SENP2: variants seen among roughly 807,000 people sequenced by gnomAD.
The protein encoded by SENP2 is SUMO specific peptidase 2.
SENP2 carries 16 observed loss-of-function variants against 86.3 expected under a neutral mutation model. The ratio of observed to expected loss-of-function variants is 0.19; its 90% CI spans 0.13 to 0.28. SENP2 has a LOEUF of 0.28. SENP2 is among the 10% of genes least tolerant of loss of function. The pLI is 1.00. For synonymous variants in SENP2, 222 were observed against 238.7 expected, an observed-to-expected ratio of 0.93 and a Z score of 0.64; for missense variants, 552 against 703.0, an observed-to-expected ratio of 0.79 and a Z score of 2.43.
At chr3:185,615,753 C>A (rs1481448406) in intron 11 of SENP2, among the ~76,000 whole-genome samples, 1 of 152,198 alleles carries the variant, frequency 6.6e-6, no homozygotes, top group Non-Finnish European at 1.5e-5. Flanking sequence ...CATAAGGAGT[C>A]AATTGCTAGA....
Position 185,606,054 on chromosome 3 carries a change from C to T in SENP2, c.450-276C>T, listed in dbSNP as rs535777840. ...AGAAGGGGTATATGCAATAGGAGAG[C>T]TAAATCTAGAGTTGGGGTTGGAAAT... On this transcript the variant is annotated intron_variant, in intron 5 of 16. Coordinates refer to ENST00000296257, the MANE Select transcript of SENP2 (RefSeq NM_021627.3). Among the ~76,000 whole-genome samples, 6 of 152,198 alleles carry T rather than the reference C, an allele frequency of 3.9e-5. No individual in the cohort carries two copies. The South Asian group carries it at 1.2e-3, about 32-fold the overall frequency.
chr3:185,607,319 CTTTT>C (rs758884593), intron 6 of SENP2, among the ~76,000 whole-genome samples: 1 of 66,006 alleles, frequency 1.5e-5, no homozygotes, highest in African/African-American at 5.8e-5. Context: ...AGATTAGATT[CTTTT>C]TTTTTTTTTT....
chr3:185,607,777 C>CA (rs1274897971), intron 6 of SENP2, among the ~76,000 whole-genome samples: 6 of 152,338 alleles, frequency 3.9e-5, no homozygotes, highest in Admixed American at 6.5e-5. Flanking sequence ...CCTCCAGCGT[C>CA]AGCCTCCCAG....
In SENP2 at chr3:185,630,947, A is replaced by AAAGT. The variant is rs1194516733; in HGVS notation, c.*1104_*1107dup. 1 of 152,214 alleles carries AAAGT rather than the reference A, an allele frequency of 6.6e-6. No homozygotes were observed. Among genetic ancestry groups the AAAGT allele is most frequent in the Non-Finnish European group, 1.5e-5 (1 of 68,036 alleles). 9.4% of individuals were successfully genotyped at this position (152,214 alleles called of 1,614,324 possible). A position where few individuals can be genotyped will look rare whatever the true frequency, so the allele number is the denominator to read the frequency against. ...TATACAATAATCTATTTTGCATATG[A>AAAGT]AAGTTTGTATTTAACTTTTTTGTTC... On this transcript the variant is annotated 3_prime_UTR_variant, in exon 17 of 17. Coordinates refer to ENST00000296257, the MANE Select transcript of SENP2 (RefSeq NM_021627.3).
intron 9 of SENP2, 101 bp downstream of exon 9, chr3:185,612,759 C>CT: frequency 1.2e-6 from 1 of 829,028 alleles, no homozygotes; most frequent in South Asian, 1.7e-5. Context: ...TGTGAACTCT[C>CT]TTGAGTTCTG....
intron 7 of SENP2, 85 bp downstream of exon 7, chr3:185,609,435 C>T (rs1468514433): frequency 1.0e-6 from 1 of 952,992 alleles, no homozygotes; most frequent in South Asian, 1.4e-5. Flanking sequence ...AAGGGCTTTA[C>T]TGAAAGAAGA....
chr3:185,629,733 C>T, intron 16 of SENP2, 49 bp from the exon 17 acceptor site: 1 of 1,570,166 alleles, frequency 6.4e-7, no homozygotes, highest in Non-Finnish European at 8.8e-7. Context: ...GTTGTGCTGC[C>T]ATGCACATTA....
At chr3:185,592,847 C>T (rs1483493945) in intron 2 of SENP2, among the ~76,000 whole-genome samples, 1 of 152,150 alleles carries the variant, frequency 6.6e-6, no homozygotes. Flanking sequence ...AAGCTCCTGA[C>T]CTCAAGTGAT....
intron 16 of SENP2, among the ~76,000 whole-genome samples, chr3:185,628,503 T>C (rs528246057): frequency 1.3e-5 from 2 of 152,170 alleles, no homozygotes; most frequent in East Asian, 3.9e-4. Flanking sequence ...GCCTCAATAA[T>C]GTGAACTTCT....
At chr3:185,597,940 C>T (rs569181121) in intron 2 of SENP2, among the ~76,000 whole-genome samples, 1 of 152,226 alleles carries the variant, frequency 6.6e-6, no homozygotes, top group Admixed American at 6.5e-5. Context: ...AGGCGTGAGC[C>T]ACCACACCAG....
At chr3:185,591,317 A>T (rs542342955) in intron 2 of SENP2, among the ~76,000 whole-genome samples, 1 of 152,206 alleles carries the variant, frequency 6.6e-6, no homozygotes, top group South Asian at 2.1e-4. Flanking sequence ...TGTGCATTTT[A>T]AAATTCTAAA....
At position 185,633,215 on chromosome 3, in the gene SENP2, A is replaced by T. The variant is rs1712567064; in HGVS notation, c.*3371A>T. On this transcript the variant is annotated 3_prime_UTR_variant, in exon 17 of 17. Transcript: ENST00000296257. Reference sequence around the variant, plus strand: ...GGAATGTATCCTAGTAGAAACAGTGAACCTCAGATATGAATAAATAAGCAA... The same window carrying T: ...GGAATGTATCCTAGTAGAAACAGTGTACCTCAGATATGAATAAATAAGCAA... 1 of 152,190 alleles carries T rather than the reference A, an allele frequency of 6.6e-6. No homozygotes were observed. The highest frequency in any genetic ancestry group is 6.5e-5 in the Admixed American group (1 of 15,268). The allele number at this position is 152,190 out of a possible 1,614,324, so 9.4% of individuals were successfully genotyped here.
intron 11 of SENP2, among the ~76,000 whole-genome samples, chr3:185,616,696 C>T (rs1328939487): frequency 6.6e-6 from 1 of 151,468 alleles, no homozygotes; most frequent in Admixed American, 6.6e-5. Flanking sequence ...AATGGCGTGA[C>T]CCCGGGAGGC....
intron 14 of SENP2, 95 bp from the exon 15 acceptor site, chr3:185,623,903 G>A (rs1712014334): frequency 2.4e-5 from 13 of 545,198 alleles, no homozygotes; most frequent in Middle Eastern, 4.4e-4. Context: ...TTTGAGAATG[G>A]CATATCTGTT....
At chr3:185,588,118 C>A (rs868010118) in intron 1 of SENP2, among the ~76,000 whole-genome samples, 20 of 130,472 alleles carry the variant, frequency 1.5e-4, no homozygotes, top group Non-Finnish European at 2.9e-4. Flanking sequence ...AGTGCAATGG[C>A]GCGATCTCGG....
At chr3:185,606,195 A>C in intron 5 of SENP2, 135 bp from the exon 6 acceptor site, 1 of 682,486 alleles carries the variant, frequency 1.5e-6, no homozygotes, top group Non-Finnish European at 2.4e-6. Flanking sequence ...TAACTTTTGC[A>C]TAATTGTACT....
intron 3 of SENP2, 76 bp downstream of exon 3, chr3:185,598,621 G>T: frequency 2.1e-6 from 3 of 1,409,316 alleles, no homozygotes; most frequent in Non-Finnish European, 2.9e-6. Context: ...TTCTCTCTTC[G>T]AGAGTTAATG....
At chr3:185,591,999 C>T (rs918951712) in intron 2 of SENP2, among the ~76,000 whole-genome samples, 1 of 61,264 alleles carries the variant, frequency 1.6e-5, no homozygotes, top group Non-Finnish European at 3.4e-5. Flanking sequence ...TCTTTAAGAA[C>T]CGGTAATATT....
At chr3:185,599,075 T>A (rs765835731) in intron 4 of SENP2, 51 bp downstream of exon 4, 2 of 1,326,980 alleles carry the variant, frequency 1.5e-6, no homozygotes, top group South Asian at 2.5e-5. Flanking sequence ...TCTGCCCATT[T>A]TTTTCCTACA....
Sources: gnomAD v4.1 joint callset for allele counts (sites outside exome capture counted in the v4.1 genomes callset) on GRCh38, gnomAD v4.1.1 for gene constraint, MANE v1.5 for transcripts, NCBI Gene and HGNC (gene_info 2026-07-23, HGNC 2026-07-21) for gene names.